The following PPM1E variants were observed in gnomAD, a reference collection of about 807,000 sequenced individuals.
The protein encoded by PPM1E is protein phosphatase 1E.
In PPM1E, 20 loss-of-function variants were observed where a neutral mutation model predicts 65.9. The ratio of observed to expected loss-of-function variants is 0.30; its 90% CI spans 0.21 to 0.44. The LOEUF is 0.44. Among genes scored for constraint, PPM1E ranks in the 20% least tolerant of loss-of-function variants. PPM1E has a pLI of 1.00. For missense variants in PPM1E, 713 were observed against 953.1 expected (o/e 0.75, Z 3.32); for synonymous variants, 352 against 374.9 (o/e 0.94, Z 0.70).
At chr17:58,757,691 C>T (rs1054150629) in intron 1 of PPM1E, among the ~76,000 whole-genome samples, 1 of 152,184 alleles carries the variant, frequency 6.6e-6, no homozygotes, top group African/African-American at 2.4e-5. Flanking sequence ...AGATCATTCT[C>T]CTGTTAAAGC....
At chr17:58,868,851 T>C (rs576669005) in intron 1 of PPM1E, among the ~76,000 whole-genome samples, 1 of 152,322 alleles carries the variant, frequency 6.6e-6, no homozygotes, top group African/African-American at 2.4e-5. Context: ...TTGCTAATTC[T>C]TAATCTAATC....
chr17:58,942,677 T>C (rs761163535), intron 1 of PPM1E, among the ~76,000 whole-genome samples: 12 of 152,028 alleles, frequency 7.9e-5, no homozygotes, highest in Non-Finnish European at 1.3e-4. Context: ...TCTTTAAGAT[T>C]TGTGGGGGTA....
intron 1 of PPM1E, among the ~76,000 whole-genome samples, chr17:58,770,660 C>T (rs1319810159): frequency 6.6e-6 from 1 of 152,080 alleles, no homozygotes; most frequent in East Asian, 1.9e-4. Context: ...GCTAATTAAA[C>T]ATCACAATGG....
intron 1 of PPM1E, among the ~76,000 whole-genome samples, chr17:58,795,315 A>G (rs1009176775): frequency 6.6e-6 from 1 of 152,194 alleles, no homozygotes; most frequent in African/African-American, 2.4e-5. Context: ...GCTTTTCACA[A>G]TGGGTGAATT....
At chr17:58,934,087 CAAAAAAAAAAAAA>C (rs11316368) in intron 1 of PPM1E, among the ~76,000 whole-genome samples, 5 of 80,158 alleles carry the variant, frequency 6.2e-5, no homozygotes, top group Non-Finnish European at 7.4e-5. Context: ...GACTTCGTAT[CAAAAAAAAAAAAA>C]AAAAAAAAAG....
intron 1 of PPM1E, among the ~76,000 whole-genome samples, chr17:58,801,732 C>T (rs867846342): frequency 1.3e-5 from 2 of 151,448 alleles, no homozygotes; most frequent in Non-Finnish European, 1.5e-5. Context: ...TGAGCCACCA[C>T]GCTCGGCTCC....
At chr17:58,758,741 G>C (rs959976989) in intron 1 of PPM1E, among the ~76,000 whole-genome samples, 2 of 152,008 alleles carry the variant, frequency 1.3e-5, no homozygotes. Context: ...ATATAAAATG[G>C]CTGGCTTGTT....
At chr17:58,794,882 A>G (rs1309245106) in intron 1 of PPM1E, among the ~76,000 whole-genome samples, 1 of 145,584 alleles carries the variant, frequency 6.9e-6, no homozygotes, top group Non-Finnish European at 1.5e-5. Context: ...ATATATGTAC[A>G]TGTGTCTTTT....
At chr17:58,859,693 C>T (rs2143295944) in intron 1 of PPM1E, among the ~76,000 whole-genome samples, 1 of 152,322 alleles carries the variant, frequency 6.6e-6, no homozygotes, top group South Asian at 2.1e-4. Context: ...TGTGTGTTGA[C>T]TCCATTACAA....
chr17:58,872,941 T>G (rs999534776), intron 1 of PPM1E, among the ~76,000 whole-genome samples: 1 of 152,230 alleles, frequency 6.6e-6, no homozygotes, highest in Admixed American at 6.5e-5. Flanking sequence ...GGTGATAATT[T>G]GAAGAGATCT....
intron 1 of PPM1E, among the ~76,000 whole-genome samples, chr17:58,904,326 T>C (rs2051530906): frequency 6.6e-6 from 1 of 152,206 alleles, no homozygotes; most frequent in South Asian, 2.1e-4. Flanking sequence ...GGTATAGTAG[T>C]ACATTCTTAA....
chr17:58,845,389 G>A (rs1409293618), intron 1 of PPM1E, among the ~76,000 whole-genome samples: 1 of 150,858 alleles, frequency 6.6e-6, no homozygotes, highest in Non-Finnish European at 1.5e-5. Flanking sequence ...CAATTTATTG[G>A]TATTAAGTAT....
intron 1 of PPM1E, among the ~76,000 whole-genome samples, chr17:58,798,042 C>A (rs2050222212): frequency 6.6e-6 from 1 of 152,116 alleles, no homozygotes; most frequent in African/African-American, 2.4e-5. Context: ...TTTTGAGGAT[C>A]TTTTCATGTG....
At chr17:58,813,339 A>G (rs184688103) in intron 1 of PPM1E, among the ~76,000 whole-genome samples, 104 of 152,272 alleles carry the variant, frequency 6.8e-4, no homozygotes, top group African/African-American at 2.0e-3. Context: ...CTTACTATTG[A>G]TAGAAAAATT....
chr17:58,911,944 G>C (rs928071940), intron 1 of PPM1E, among the ~76,000 whole-genome samples: 4 of 152,220 alleles, frequency 2.6e-5, no homozygotes, highest in Non-Finnish European at 5.9e-5. Context: ...TGTGCAGAAG[G>C]GTGCCGCTTG....
intron 1 of PPM1E, among the ~76,000 whole-genome samples, chr17:58,855,734 T>A (rs1598612521): frequency 6.6e-6 from 1 of 152,196 alleles, no homozygotes; most frequent in East Asian, 1.9e-4. Context: ...TGAATTTTAG[T>A]TCATAATAGT....
At chr17:58,795,580 T>C (rs1307720766) in intron 1 of PPM1E, among the ~76,000 whole-genome samples, 1 of 152,194 alleles carries the variant, frequency 6.6e-6, no homozygotes, top group Non-Finnish European at 1.5e-5. Flanking sequence ...GGCGCACGCC[T>C]GTGGTCCCAG....
At chr17:58,854,014 A>C (rs934919402) in intron 1 of PPM1E, among the ~76,000 whole-genome samples, 5 of 152,148 alleles carry the variant, frequency 3.3e-5, no homozygotes, top group Non-Finnish European at 7.4e-5. Context: ...TCACTGAATA[A>C]TATTGACATC....
intron 1 of PPM1E, among the ~76,000 whole-genome samples, chr17:58,823,761 T>C (rs2050504080): frequency 6.6e-6 from 1 of 152,124 alleles, no homozygotes. Flanking sequence ...GACAGAGTCT[T>C]GCTCTGTTGC....
Sources: gnomAD v4.1 joint callset for allele counts (sites outside exome capture counted in the v4.1 genomes callset) on GRCh38, gnomAD v4.1.1 for gene constraint, MANE v1.5 for transcripts, NCBI Gene and HGNC (gene_info 2026-07-23, HGNC 2026-07-21) for gene names.